SLC22A9: variants seen among roughly 807,000 people sequenced by gnomAD.
SLC22A9 encodes the protein organic anion transporter 7.
Under a neutral mutation model 50.1 loss-of-function variants are expected in SLC22A9, and 64 were observed. The ratio of observed to expected loss-of-function variants is 1.28; its 90% CI spans 1.04 to 1.57. The LOEUF (loss-of-function observed/expected upper bound fraction) is 1.57, where lower values mean the gene tolerates loss of function less well. Among genes scored for constraint, SLC22A9 ranks in the 40% most tolerant of loss-of-function variants. The pLI is 0.00. For missense variants in SLC22A9, 757 were observed against 676.1 expected (o/e 1.12, Z -1.33); for synonymous variants, 261 against 242.5 (o/e 1.08, Z -0.71).
At chr11:63,371,303 C>A in intron 2 of SLC22A9, 65 bp downstream of exon 2, 1 of 1,272,578 alleles carries the variant, frequency 7.9e-7, no homozygotes, top group East Asian at 2.4e-5. Flanking sequence ...AACATTATTT[C>A]ATCTAGAATT....
chr11:63,404,709 GA>G (rs1263200045), intron 6 of SLC22A9, among the ~76,000 whole-genome samples: 2 of 152,112 alleles, frequency 1.3e-5, no homozygotes, highest in African/African-American at 4.8e-5. Flanking sequence ...TTTGACCCTT[GA>G]CCAGGGGAAC....
At chr11:63,409,329 T>C (rs890816853) in intron 9 of SLC22A9, among the ~76,000 whole-genome samples, 12 of 151,734 alleles carry the variant, frequency 7.9e-5, no homozygotes, top group African/African-American at 2.7e-4. Flanking sequence ...TGTGGAAGAG[T>C]ATGCAGATGC....
chr11:63,406,550 G>A lies in SLC22A9; in HGVS notation c.1127G>A (p.Gly376Glu), dbSNP rs1340792092. The A allele has an allele frequency of 6.2e-7, 1 of 1,613,678 alleles. No homozygotes were observed. The highest frequency in any genetic ancestry group is 1.1e-5 in the South Asian group (1 of 91,068). The change falls in exon 7 of 10, where the codon GGG (glycine) becomes GAG (glutamate). Residue 376 changes from glycine to glutamate, a missense_variant. By Grantham distance (98) the Gly-to-Glu change is moderately conservative. Transcript: ENST00000279178. ...FGLNLHVQHL[G>E]NNVFLLQTLF... Reference sequence around the variant, plus strand: ...CTTAATCTCCATGTCCAGCATCTGGGGAACAATGTTTTCCTGTTGCAGACT... The same window carrying A: ...CTTAATCTCCATGTCCAGCATCTGGAGAACAATGTTTTCCTGTTGCAGACT...
intron 8 of SLC22A9, 129 bp downstream of exon 8, chr11:63,408,349 A>T (rs964661961): frequency 6.5e-6 from 5 of 769,566 alleles, no homozygotes; most frequent in Non-Finnish European, 1.1e-5. Context: ...AAACACAAAT[A>T]ATTATAGACC....
At chr11:63,401,584 A>G (rs548366601) in intron 6 of SLC22A9, among the ~76,000 whole-genome samples, 1 of 152,246 alleles carries the variant, frequency 6.6e-6, no homozygotes, top group East Asian at 1.9e-4. Flanking sequence ...TGCAATCTCT[A>G]TCAAAATACC....
chr11:63,388,352 T>G (rs1252356001), intron 6 of SLC22A9, among the ~76,000 whole-genome samples: 2 of 151,656 alleles, frequency 1.3e-5, no homozygotes, highest in Non-Finnish European at 2.9e-5. Context: ...CTATGCCCAG[T>G]TTTTCGAGAG....
intron 1 of SLC22A9, 88 bp downstream of exon 1, chr11:63,370,546 C>G (rs1431895363): frequency 2.8e-6 from 4 of 1,413,950 alleles, no homozygotes; most frequent in Non-Finnish European, 3.8e-6. Flanking sequence ...CCTTCAGTCA[C>G]ATGTAGGTCC....
At chr11:63,408,999 A>G (rs1207163117) in intron 9 of SLC22A9, 120 bp downstream of exon 9, 4 of 1,097,040 alleles carry the variant, frequency 3.6e-6, no homozygotes, top group African/African-American at 1.6e-5. Context: ...GGATTTTCCC[A>G]TGTAATCAGT....
intron 6 of SLC22A9, among the ~76,000 whole-genome samples, chr11:63,393,088 T>C (rs2014792461): frequency 6.6e-6 from 1 of 152,216 alleles, no homozygotes; most frequent in Non-Finnish European, 1.5e-5. Context: ...AGTATGGTCA[T>C]TTTCACAATA....
chr11:63,381,886 A>G (rs1039424055), intron 5 of SLC22A9, among the ~76,000 whole-genome samples: 2 of 152,060 alleles, frequency 1.3e-5, no homozygotes, highest in Non-Finnish European at 2.9e-5. Context: ...TCATGGTCTG[A>G]TTCTCTAACA....
At chr11:63,385,112 T>TTTTG (rs1555014158) in intron 6 of SLC22A9, among the ~76,000 whole-genome samples, 1 of 139,118 alleles carries the variant, frequency 7.2e-6, no homozygotes, top group Non-Finnish European at 1.6e-5. Flanking sequence ...TACAGTTTTT[T>TTTTG]TTTTTTTTTT....
chr11:63,385,123 T>A (rs1343522936), intron 6 of SLC22A9, among the ~76,000 whole-genome samples: 2 of 146,880 alleles, frequency 1.4e-5, no homozygotes, highest in Admixed American at 1.3e-4. Flanking sequence ...TTTTTTTTTT[T>A]TTTTGCTGTG....
intron 6 of SLC22A9, among the ~76,000 whole-genome samples, chr11:63,388,344 A>G (rs529795745): frequency 2.4e-4 from 36 of 148,800 alleles, no homozygotes; most frequent in Non-Finnish European, 4.2e-4. Flanking sequence ...ATGTTCTTCT[A>G]TGCCCAGTTT....
rs747408841 is a variant in SLC22A9 at position 63,374,107 on chromosome 11, A to G, written c.830+45A>G. On this transcript the variant is annotated intron_variant, in intron 4 of 9. Coordinates refer to ENST00000279178, the MANE Select transcript of SLC22A9 (RefSeq NM_080866.3). ...TTTGTCTTAATGAGATATTGGAATG[A>G]GAATGTATGTGGAACTAGGACACCT... 6.5e-6 allele frequency: 10 copies of G among 1,540,654 alleles called. No individual in the cohort carries two copies. In the South Asian group the frequency reaches 1.1e-4, roughly 17 times the overall value.
rs1591026920 is a variant in SLC22A9, at chr11:63,401,331, A to C, written c.1074-5166A>C. Among the ~76,000 whole-genome samples, 4 of 152,262 alleles carry C rather than the reference A, an allele frequency of 2.6e-5. No homozygotes were observed. The South Asian group carries it at 8.3e-4, about 32-fold the overall frequency. On this transcript the variant is annotated intron_variant, in intron 6 of 9. Transcript: ENST00000279178. ...GCAGGATACAAAATCAACATAAAACATAATTACCATAACTATATTTCAATA... is the reference window on the plus strand; with the variant it reads ...GCAGGATACAAAATCAACATAAAACCTAATTACCATAACTATATTTCAATA...
intron 1 of SLC22A9, 127 bp from the exon 2 acceptor site, chr11:63,371,008 G>C: frequency 1.6e-6 from 1 of 641,896 alleles, no homozygotes; most frequent in Non-Finnish European, 2.7e-6. Context: ...AGGTAATGCT[G>C]AGAAAGGAAG....
chr11:63,381,550 C>A (rs2014560618), intron 5 of SLC22A9, among the ~76,000 whole-genome samples: 1 of 152,092 alleles, frequency 6.6e-6, no homozygotes, highest in South Asian at 2.1e-4. Context: ...CCACACTCAC[C>A]AATCAAGTAA....
chr11:63,373,977 G>A lies in SLC22A9; in HGVS notation c.745G>A (p.Ala249Thr). 1.2e-6 allele frequency: 2 copies of A among 1,613,590 alleles called. No homozygotes were observed. The highest frequency in any genetic ancestry group is 1.7e-6 in the Non-Finnish European group (2 of 1,179,758). Residue 249 changes from alanine (A) to threonine (T), a missense_variant, in exon 4 of 10, where the codon GCA (alanine) becomes ACA (threonine). By Grantham distance (58) the Ala-to-Thr change is moderately conservative. Coordinates refer to ENST00000279178, the MANE Select transcript of SLC22A9 (RefSeq NM_080866.3). ...TTCTGGTATTGCATTTATGACCCTGGCAGGCCTGGCTTTTGCCATTCGAGA... is the reference window on the plus strand; with the variant it reads ...TTCTGGTATTGCATTTATGACCCTGACAGGCCTGGCTTTTGCCATTCGAGA... Reference protein sequence around the residue: ...CPSGIAFMTLAGLAFAIRDWH... With the variant: ...CPSGIAFMTLTGLAFAIRDWH...
At chr11:63,375,872 G>T in intron 5 of SLC22A9, 104 bp downstream of exon 5, 1 of 1,443,588 alleles carries the variant, frequency 6.9e-7, no homozygotes, top group Non-Finnish European at 9.4e-7. Flanking sequence ...AAGAAACACA[G>T]GTATGGTTAT....
Sources: gnomAD v4.1 joint callset for allele counts (sites outside exome capture counted in the v4.1 genomes callset) on GRCh38, gnomAD v4.1.1 for gene constraint, MANE v1.5 for transcripts, NCBI Gene and HGNC (gene_info 2026-07-23, HGNC 2026-07-21) for gene names.